Variants in SYT16 observed in about 807,000 individuals in gnomAD.
SYT16 encodes synaptotagmin-16.
SYT16 carries 42 observed loss-of-function variants against 61.4 expected under a neutral mutation model. That is an observed-to-expected ratio of 0.68 (90% CI 0.53 to 0.89). The LOEUF is 0.89. Among genes scored for constraint, SYT16 ranks in the 40% least tolerant of loss-of-function variants. The pLI, the probability that SYT16 is intolerant of heterozygous loss-of-function variation, is 0.00. For synonymous variants in SYT16, 314 were observed against 302.3 expected, an observed-to-expected ratio of 1.04 and a Z score of -0.40; for missense variants, 804 against 807.3, an observed-to-expected ratio of 1.00 and a Z score of 0.05.
chr14:61,823,341 C>T lies in SYT16; in HGVS notation c.-325+10531C>T, dbSNP rs534494676. On this transcript the variant is annotated intron_variant, in intron 1 of 7. Transcript: ENST00000683842. ...TAAGAGACAGAGTCTTACTCTGTTGCCCAGCCTGGAATGCAGTGTAAAGTT... is the reference window on the plus strand; with the variant it reads ...TAAGAGACAGAGTCTTACTCTGTTGTCCAGCCTGGAATGCAGTGTAAAGTT... Among the ~76,000 whole-genome samples, 120 of 152,060 alleles carry T rather than the reference C, an allele frequency of 7.9e-4. 4 individuals carry two copies. The South Asian group carries it at 0.024, about 31-fold the overall frequency.
intron 1 of SYT16, among the ~76,000 whole-genome samples, chr14:61,874,440 G>A (rs1227850432): frequency 2.0e-5 from 3 of 152,284 alleles, no homozygotes; most frequent in Non-Finnish European, 2.9e-5. Context: ...TTTTATATGA[G>A]GGGGTGATGG....
intron 1 of SYT16, among the ~76,000 whole-genome samples, chr14:61,875,237 C>G (rs769628148): frequency 1.4e-4 from 22 of 152,108 alleles, no homozygotes; most frequent in Non-Finnish European, 2.8e-4. Flanking sequence ...GCTTCTTGAT[C>G]CTTGGGGAAT....
At chr14:61,918,444 TG>T (rs1284181418) in intron 1 of SYT16, among the ~76,000 whole-genome samples, 1 of 151,832 alleles carries the variant, frequency 6.6e-6, no homozygotes, top group African/African-American at 2.4e-5. Flanking sequence ...ATACAGAAGA[TG>T]GGGGATAAAG....
intron 3 of SYT16, among the ~76,000 whole-genome samples, chr14:62,053,423 A>G (rs1023215876): frequency 1.3e-5 from 2 of 152,150 alleles, no homozygotes; most frequent in Non-Finnish European, 2.9e-5. Context: ...CTGAAACTAC[A>G]TCACTGGCTT....
chr14:61,906,681 A>G (rs1015351367), intron 1 of SYT16, among the ~76,000 whole-genome samples: 12 of 151,910 alleles, frequency 7.9e-5, no homozygotes, highest in African/African-American at 2.4e-4. Flanking sequence ...GAACAGCTAC[A>G]CTAACTCAAG....
chr14:62,026,116 G>A (rs1187914598), intron 3 of SYT16, among the ~76,000 whole-genome samples: 1 of 152,088 alleles, frequency 6.6e-6, no homozygotes, highest in African/African-American at 2.4e-5. Flanking sequence ...AGCCCTCAAA[G>A]TTTGGAGTAG....
At chr14:61,920,818 A>G (rs767863691) in intron 1 of SYT16, among the ~76,000 whole-genome samples, 12 of 152,188 alleles carry the variant, frequency 7.9e-5, no homozygotes, top group Non-Finnish European at 1.8e-4. Context: ...ATTAGATACT[A>G]TTCTTGTTTC....
chr14:61,945,014 G>T (rs1453874862), intron 1 of SYT16, among the ~76,000 whole-genome samples: 1 of 151,882 alleles, frequency 6.6e-6, no homozygotes, highest in Non-Finnish European at 1.5e-5. Flanking sequence ...TATCCAGAAT[G>T]TACAAGGAAC....
chr14:61,890,006 A>G (rs217682), intron 1 of SYT16, among the ~76,000 whole-genome samples: 60,655 of 151,670 alleles, frequency 0.4, 12,434 homozygotes, highest in East Asian at 0.55. Context: ...GCCACTGGGG[A>G]CATACAATCA....
At chr14:61,843,678 A>G (rs1254550513) in intron 1 of SYT16, among the ~76,000 whole-genome samples, 1 of 152,126 alleles carries the variant, frequency 6.6e-6, no homozygotes, top group Non-Finnish European at 1.5e-5. Context: ...TCCTCAGTGT[A>G]TGCTCTTGGC....
At chr14:62,094,951 T>C (rs553341434) in intron 7 of SYT16, among the ~76,000 whole-genome samples, 4 of 152,168 alleles carry the variant, frequency 2.6e-5, no homozygotes, top group East Asian at 1.9e-4. Context: ...TAATGCCTAC[T>C]CATGCCTGCA....
rs370217468 is a variant in SYT16, at chr14:62,109,736, A to G, written c.*9029A>G. On this transcript the variant is annotated 3_prime_UTR_variant, in exon 8 of 8. Coordinates refer to ENST00000683842, the MANE Select transcript of SYT16 (RefSeq NM_001367656.1). ...TCTTTTGTTGAGCAATGAGTTAAATACCTGTCGATAAAAAGTGTTAATTAT... is the reference window on the plus strand; with the variant it reads ...TCTTTTGTTGAGCAATGAGTTAAATGCCTGTCGATAAAAAGTGTTAATTAT... 6.6e-6 allele frequency: 1 copy of G among 152,234 alleles called. No homozygotes were observed. Among genetic ancestry groups the G allele is most frequent in the East Asian group, 1.9e-4 (1 of 5,174 alleles). 9.4% of individuals were successfully genotyped at this position (152,234 alleles called of 1,614,324 possible). A position where few individuals can be genotyped will look rare whatever the true frequency, so the allele number is the denominator to read the frequency against.
intron 3 of SYT16, among the ~76,000 whole-genome samples, chr14:62,024,042 A>G (rs902371586): frequency 6.6e-6 from 1 of 152,104 alleles, no homozygotes; most frequent in Non-Finnish European, 1.5e-5. Flanking sequence ...AATGTGGAAT[A>G]TTTTCTGAAT....
In SYT16 at chr14:61,824,234, G is replaced by A. The variant is rs374211393; in HGVS notation, c.-325+11424G>A. Among the ~76,000 whole-genome samples the A allele has an allele frequency of 1.2e-4, 18 of 151,818 alleles. 1 individual carries two copies. The highest frequency in any genetic ancestry group is 4.1e-4 in the African/African-American group (17 of 41,448). The stretch of plus-strand genomic sequence containing the variant: ...TCTCCTATATACTTTTTCTTTTTTG[G>A]TCTTATTCTAGTCTATATTCTCCTT... On this transcript the variant is annotated intron_variant, in intron 1 of 7. Coordinates refer to ENST00000683842, the MANE Select transcript of SYT16 (RefSeq NM_001367656.1).
intron 2 of SYT16, among the ~76,000 whole-genome samples, chr14:61,970,934 T>G (rs1349647101): frequency 3.1e-5 from 3 of 96,508 alleles, no homozygotes; most frequent in African/African-American, 1.6e-4. Flanking sequence ...ATAACTTTGC[T>G]GTTTTTTTTT....
intron 1 of SYT16, among the ~76,000 whole-genome samples, chr14:61,931,271 T>G (rs1002706153): frequency 1.3e-5 from 2 of 152,210 alleles, no homozygotes; most frequent in Non-Finnish European, 2.9e-5. Context: ...GGATTCTTTC[T>G]TAGAGGAGAT....
At chr14:61,940,575 GATA>G (rs1226051986) in intron 1 of SYT16, among the ~76,000 whole-genome samples, 1 of 152,164 alleles carries the variant, frequency 6.6e-6, no homozygotes, top group Non-Finnish European at 1.5e-5. Context: ...TCTGTTAAGT[GATA>G]ATAATAATAA....
chr14:62,081,005 C>T lies in SYT16; in HGVS notation c.1165C>T (p.Gln389Ter). The change falls in exon 6 of 8, where the codon CAA becomes TAA. Residue 389 changes from glutamine to a stop codon, truncating the protein, a stop_gained. Transcript: ENST00000683842. LOFTEE classifies it high-confidence loss of function. ...DKDRSGVNSW[Q>*]VHVVLLPGKK... ...GGACCGAAGTGGTGTCAACTCCTGG[C>T]AAGTTCATGTAGTGCTGCTGCCTGG... 2 of 1,613,254 alleles carry T rather than the reference C, an allele frequency of 1.2e-6. No homozygotes were observed.
intron 7 of SYT16, among the ~76,000 whole-genome samples, chr14:62,091,446 G>A (rs888679402): frequency 6.6e-6 from 1 of 152,166 alleles, no homozygotes; most frequent in Admixed American, 6.6e-5. Context: ...TGCATGGATT[G>A]CCTAAAGCAA....
Sources: allele counts gnomAD v4.1 joint callset (sites outside exome capture counted in the v4.1 genomes callset), GRCh38; gene constraint gnomAD v4.1.1; transcripts MANE v1.5; gene names NCBI Gene and HGNC (gene_info 2026-07-23, HGNC 2026-07-21).